MCTP1: variants seen among roughly 807,000 people sequenced by gnomAD.
MCTP1 encodes the protein multiple C2 and transmembrane domain containing 1.
In MCTP1, 69 loss-of-function variants were observed where a neutral mutation model predicts 120.6. That is an observed-to-expected ratio of 0.57 (90% CI 0.47 to 0.70). The LOEUF (loss-of-function observed/expected upper bound fraction) is 0.70. Among genes scored for constraint, MCTP1 ranks in the 30% least tolerant of loss-of-function variants. MCTP1 has a pLI of 0.00. For missense variants in MCTP1, 1,203 were observed against 1,248.8 expected (o/e 0.96, Z 0.55); for synonymous variants, 529 against 493.1 (o/e 1.07, Z -0.96).
At chr5:94,734,141 C>G (rs975200257) in intron 19 of MCTP1, among the ~76,000 whole-genome samples, 3 of 152,120 alleles carry the variant, frequency 2.0e-5, no homozygotes, top group African/African-American at 7.2e-5. Context: ...GTACCAGCTG[C>G]CACTTACATA....
intron 17 of MCTP1, among the ~76,000 whole-genome samples, chr5:94,806,988 TCTTAAA>T (rs1782469495): frequency 6.6e-6 from 1 of 152,238 alleles, no homozygotes; most frequent in Admixed American, 6.5e-5. Context: ...TTCATTTTTT[TCTTAAA>T]CTTAACACAC....
chr5:94,992,917 A>AGACT (rs1432578756), intron 2 of MCTP1, among the ~76,000 whole-genome samples: 6 of 152,232 alleles, frequency 3.9e-5, no homozygotes, highest in Non-Finnish European at 1.5e-5. Flanking sequence ...CTTCTATGAC[A>AGACT]GACTGCTAAT....
intron 1 of MCTP1, among the ~76,000 whole-genome samples, chr5:95,091,812 G>A (rs1476185103): frequency 6.6e-6 from 1 of 152,226 alleles, no homozygotes. Flanking sequence ...CTAGGTTTCA[G>A]CTAATTTGTT....
At chr5:95,188,026 A>G (rs1179426004) in intron 1 of MCTP1, among the ~76,000 whole-genome samples, 1 of 152,204 alleles carries the variant, frequency 6.6e-6, no homozygotes, top group East Asian at 1.9e-4. Context: ...ATTAAAAATT[A>G]TTAAAAATTT....
chr5:95,278,503 A>C (rs1041052523), intron 1 of MCTP1, among the ~76,000 whole-genome samples: 3 of 152,334 alleles, frequency 2.0e-5, no homozygotes, highest in Non-Finnish European at 2.9e-5. Flanking sequence ...CTTCGTTCAC[A>C]TTAAACAAAC....
intron 18 of MCTP1, among the ~76,000 whole-genome samples, chr5:94,787,618 TTTTG>T (rs1328362504): frequency 3.4e-5 from 5 of 149,246 alleles, no homozygotes; most frequent in Non-Finnish European, 7.4e-5. Context: ...TACTGTTTTT[TTTTG>T]TTTTTTTTTT....
intron 11 of MCTP1, among the ~76,000 whole-genome samples, chr5:94,892,901 T>A (rs1802998359): frequency 6.6e-6 from 1 of 152,194 alleles, no homozygotes; most frequent in Non-Finnish European, 1.5e-5. Context: ...GAAATCCTAA[T>A]CCATAGGTCT....
intron 20 of MCTP1, among the ~76,000 whole-genome samples, chr5:94,714,457 C>T (rs1758348825): frequency 6.6e-6 from 1 of 151,874 alleles, no homozygotes; most frequent in Admixed American, 6.6e-5. Flanking sequence ...TATTTTTTTC[C>T]TATCACAATT....
chr5:95,209,393 T>A (rs1319070445), intron 1 of MCTP1, among the ~76,000 whole-genome samples: 3 of 152,126 alleles, frequency 2.0e-5, no homozygotes, highest in Non-Finnish European at 4.4e-5. Flanking sequence ...GCCCCTCTCT[T>A]TTCCTCCCTC....
intron 10 of MCTP1, among the ~76,000 whole-genome samples, chr5:94,897,976 G>GT (rs1804540152): frequency 6.6e-6 from 1 of 152,096 alleles, no homozygotes; most frequent in Non-Finnish European, 1.5e-5. Context: ...GAAGAAGGCT[G>GT]TAAGTTATTG....
chr5:94,847,252 G>C (rs955862794), intron 17 of MCTP1, among the ~76,000 whole-genome samples: 14 of 152,170 alleles, frequency 9.2e-5, no homozygotes, highest in African/African-American at 3.4e-4. Flanking sequence ...AGTTCCATGC[G>C]CTCTGCCAAG....
intron 1 of MCTP1, among the ~76,000 whole-genome samples, chr5:95,132,234 C>G (rs1217921271): frequency 1.3e-5 from 2 of 152,206 alleles, no homozygotes; most frequent in Non-Finnish European, 2.9e-5. Flanking sequence ...TCTTGCTTCT[C>G]AAGAGGAATT....
chr5:94,885,316 CAGAGAGAAAGAG>C (rs1300293325), intron 12 of MCTP1, among the ~76,000 whole-genome samples: 2 of 144,334 alleles, frequency 1.4e-5, no homozygotes, highest in Non-Finnish European at 3.0e-5. Flanking sequence ...AAAAAAAAAA[CAGAGAGAAAGAG>C]AGAGAGAACC....
chr5:94,833,565 G>A (rs1034397263), intron 17 of MCTP1, among the ~76,000 whole-genome samples: 1 of 152,052 alleles, frequency 6.6e-6, no homozygotes, highest in African/African-American at 2.4e-5. Flanking sequence ...TTTTAAGAAT[G>A]AAAACAAAGA....
intron 1 of MCTP1, among the ~76,000 whole-genome samples, chr5:95,232,800 A>T (rs761455638): frequency 1.3e-5 from 2 of 152,230 alleles, no homozygotes; most frequent in Non-Finnish European, 2.9e-5. Context: ...ATCAAAAGAA[A>T]GCTGAAGTGC....
chr5:94,789,104 G>A (rs1778355323), intron 18 of MCTP1: 1 of 152,188 alleles, frequency 6.6e-6, no homozygotes, highest in East Asian at 1.9e-4. Flanking sequence ...CAATTCATTT[G>A]ATAGAAAAGG....
chr5:95,023,982 C>A (rs1479878078), intron 1 of MCTP1: 1 of 347,230 alleles, frequency 2.9e-6, no homozygotes, highest in Non-Finnish European at 5.7e-6. Flanking sequence ...TTAGTGCCTT[C>A]GTCTATTTTG....
intron 2 of MCTP1, among the ~76,000 whole-genome samples, chr5:94,971,899 T>A (rs543387932): frequency 6.6e-6 from 1 of 152,302 alleles, no homozygotes; most frequent in South Asian, 2.1e-4. Context: ...TGGATTCTAA[T>A]TATTAAATTT....
chr5:95,029,012 A>G (rs1344010309), intron 1 of MCTP1, among the ~76,000 whole-genome samples: 1 of 152,080 alleles, frequency 6.6e-6, no homozygotes, highest in Non-Finnish European at 1.5e-5. Context: ...TACAAAAATT[A>G]GCCAGGTGTG....
Sources: gnomAD v4.1 joint callset for allele counts (sites outside exome capture counted in the v4.1 genomes callset) on GRCh38, gnomAD v4.1.1 for gene constraint, MANE v1.5 for transcripts, NCBI Gene and HGNC (gene_info 2026-07-23, HGNC 2026-07-21) for gene names.